Variants in FYB2 observed in about 807,000 individuals in gnomAD.
The protein encoded by FYB2 is FYN-binding protein 2.
In FYB2, 103 loss-of-function variants were observed where a neutral mutation model predicts 94.1. That is an observed-to-expected ratio of 1.09 (90% confidence interval 0.93 to 1.29). The LOEUF (loss-of-function observed/expected upper bound fraction) is 1.29, where lower values mean the gene tolerates loss of function less well. Ranked by LOEUF, FYB2 falls within the 50% of genes most tolerant of loss-of-function variation. FYB2 has a pLI of 0.00. For synonymous variants in FYB2, 293 were observed against 287.9 expected (o/e 1.02, Z -0.18); for missense variants, 896 against 841.5 (o/e 1.06, Z -0.80).
chr1:56,789,675 A>G (rs1646216824), intron 2 of FYB2, among the ~76,000 whole-genome samples: 1 of 152,186 alleles, frequency 6.6e-6, no homozygotes, highest in South Asian at 2.1e-4. Flanking sequence ...GTATCCCTGT[A>G]GCACATTGTT....
intron 1 of FYB2, among the ~76,000 whole-genome samples, chr1:56,808,611 G>A (rs914458128): frequency 3.3e-5 from 5 of 152,248 alleles, no homozygotes; most frequent in African/African-American, 1.2e-4. Context: ...CCAGCTGTGA[G>A]GGGCCAGCAA....
chr1:56,778,931 G>T (rs1271093300), intron 4 of FYB2, among the ~76,000 whole-genome samples: 2 of 152,128 alleles, frequency 1.3e-5, no homozygotes, highest in East Asian at 1.9e-4. Context: ...ATTATTGAAT[G>T]AATAAATAAA....
chr1:56,760,078 CA>C lies in FYB2; in HGVS notation c.1064-1329del, dbSNP rs35665176. Among the ~76,000 whole-genome samples the C allele has an allele frequency of 7.5e-4, 84 of 112,546 alleles. No homozygotes were observed. In the South Asian group the frequency reaches 0.013, roughly 18 times the overall value. 73.8% of individuals were successfully genotyped at this position (112,546 alleles called of 152,430 possible). On this transcript the variant is annotated intron_variant, in intron 5 of 19. Coordinates refer to ENST00000343433, the MANE Select transcript of FYB2 (RefSeq NM_001004303.5). ...TGGGCAACACAGTGAGACTCCATCA[CA>C]AAAAAAAAAAAAAAAGGAAATTTAA... is the stretch of plus-strand genomic sequence containing the variant.
intron 9 of FYB2, among the ~76,000 whole-genome samples, chr1:56,749,420 G>A (rs1440845952): frequency 6.6e-6 from 1 of 151,410 alleles, no homozygotes; most frequent in Non-Finnish European, 1.5e-5. Context: ...ATGAATTTTG[G>A]ATAATTTCTT....
chr1:56,816,209 C>T (rs1348439711), intron 1 of FYB2, among the ~76,000 whole-genome samples: 1 of 152,198 alleles, frequency 6.6e-6, no homozygotes, highest in Non-Finnish European at 1.5e-5. Flanking sequence ...TGAGTTCTCC[C>T]TCTGTTCCAC....
At chr1:56,733,259 G>C (rs190762602) in intron 15 of FYB2, among the ~76,000 whole-genome samples, 1 of 152,146 alleles carries the variant, frequency 6.6e-6, no homozygotes, top group East Asian at 1.9e-4. Context: ...TTGTATTTCT[G>C]TGGGATTGGT....
chr1:56,744,318 A>G, intron 9 of FYB2, 52 bp from the exon 10 acceptor site: 1 of 1,343,608 alleles, frequency 7.4e-7, no homozygotes, highest in Non-Finnish European at 1.1e-6. Context: ...GCCATCATAA[A>G]GTCATTCACA....
rs142716626 is a variant in FYB2, at chr1:56,819,022, G to T, written c.9+260C>A. On this transcript the variant is annotated intron_variant, in intron 1 of 19. Coordinates refer to ENST00000343433, the MANE Select transcript of FYB2 (RefSeq NM_001004303.5). The stretch of plus-strand genomic sequence containing the variant: ...AGTCCAGCTGGCTGGGTAGAGCTAG[G>T]CCACATGCTGTCATTCCTCAGCACC... Among the ~76,000 whole-genome samples, 232 of 152,296 alleles carry T rather than the reference G, an allele frequency of 1.5e-3. 1 individual carries two copies. The highest frequency in any genetic ancestry group is 5.0e-3 in the African/African-American group (209 of 41,556).
At chr1:56,725,080 A>T (rs1448954182) in intron 16 of FYB2, among the ~76,000 whole-genome samples, 1 of 152,026 alleles carries the variant, frequency 6.6e-6, no homozygotes, top group Non-Finnish European at 1.5e-5. Flanking sequence ...TTCTGCCATG[A>T]GTAGAAGCAG....
intron 1 of FYB2, among the ~76,000 whole-genome samples, chr1:56,793,538 A>T (rs1227243589): frequency 6.6e-6 from 1 of 152,176 alleles, no homozygotes; most frequent in Non-Finnish European, 1.5e-5. Context: ...GTACACATGG[A>T]CATAAAGATG....
intron 5 of FYB2, among the ~76,000 whole-genome samples, chr1:56,765,023 G>A (rs1244068013): frequency 6.6e-6 from 1 of 152,182 alleles, no homozygotes; most frequent in Non-Finnish European, 1.5e-5. Flanking sequence ...CCATCGCATT[G>A]GGGGTAGGTT....
chr1:56,807,559 C>T (rs1387259430), intron 1 of FYB2, among the ~76,000 whole-genome samples: 1 of 152,182 alleles, frequency 6.6e-6, no homozygotes, highest in Non-Finnish European at 1.5e-5. Context: ...TATCATCATG[C>T]TCATCATTAT....
chr1:56,799,885 A>G (rs558981475), intron 1 of FYB2, among the ~76,000 whole-genome samples: 1 of 152,354 alleles, frequency 6.6e-6, no homozygotes, highest in East Asian at 1.9e-4. Flanking sequence ...CAGGTGCTCA[A>G]TAAGTTAATA....
chr1:56,740,731 T>A lies in FYB2; in HGVS notation c.1669A>T (p.Lys557Ter), dbSNP rs763935060. The change falls in exon 13 of 20, where the codon AAA (lysine) becomes TAA (stop). Residue 557 changes from lysine to a stop codon, truncating the protein, a stop_gained. Coordinates refer to ENST00000343433, the MANE Select transcript of FYB2 (RefSeq NM_001004303.5). LOFTEE classifies it high-confidence loss of function. ...QFFKKEKDRFKIKKTKSKENL... is the reference protein window; with the variant it reads ...QFFKKEKDRF ...TCTTTCGACTTGGTTTTCTTTATTTTAAATCTATCCTTTTCTTTCTTGAAG... is the reference window on the plus strand; with the variant it reads ...TCTTTCGACTTGGTTTTCTTTATTTAAAATCTATCCTTTTCTTTCTTGAAG... 5.3e-5 allele frequency: 85 copies of A among 1,607,552 alleles called. No individual in the cohort carries two copies. In the South Asian group the frequency reaches 9.3e-4, roughly 18 times the overall value.
chr1:56,754,346 C>T (rs970677523), intron 7 of FYB2, among the ~76,000 whole-genome samples: 3 of 151,944 alleles, frequency 2.0e-5, no homozygotes, highest in African/African-American at 4.8e-5. Flanking sequence ...TTAGACATGC[C>T]TTCCACATCT....
At chr1:56,775,978 T>C (rs1645866447) in intron 4 of FYB2, among the ~76,000 whole-genome samples, 2 of 152,202 alleles carry the variant, frequency 1.3e-5, no homozygotes, top group African/African-American at 4.8e-5. Context: ...TCAGTAGCAG[T>C]ATGAGGCATT....
At chr1:56,741,614 C>G (rs1644955239) in intron 12 of FYB2, among the ~76,000 whole-genome samples, 6 of 151,896 alleles carry the variant, frequency 4.0e-5, no homozygotes, top group Admixed American at 3.9e-4. Context: ...TGCTTTTGAC[C>G]ATTGCCGTTT....
intron 15 of FYB2, among the ~76,000 whole-genome samples, chr1:56,731,249 G>A (rs148090491): frequency 0.013 from 2,032 of 152,218 alleles, 31 homozygotes; most frequent in Non-Finnish European, 0.023. Flanking sequence ...TTGGGGGCAG[G>A]CCACCTGGAT....
chr1:56,753,525 C>G (rs1645250960), intron 8 of FYB2, among the ~76,000 whole-genome samples: 2 of 152,086 alleles, frequency 1.3e-5, no homozygotes, highest in South Asian at 4.1e-4. Flanking sequence ...TAAGGAAACT[C>G]TCACTCCAGG....
Sources: gnomAD v4.1 joint callset for allele counts (sites outside exome capture counted in the v4.1 genomes callset) on GRCh38, gnomAD v4.1.1 for gene constraint, MANE v1.5 for transcripts, NCBI Gene and HGNC (gene_info 2026-07-23, HGNC 2026-07-21) for gene names.